Variants in SLC24A2 observed in about 807,000 individuals in gnomAD.
SLC24A2 encodes solute carrier family 24 member 2.
Under a neutral mutation model 62.0 loss-of-function variants are expected in SLC24A2, and 36 were observed. That is an observed-to-expected ratio of 0.58 (90% CI 0.44 to 0.77). SLC24A2 has a LOEUF of 0.77. Among genes scored for constraint, SLC24A2 ranks in the 30% least tolerant of loss-of-function variants. The pLI is 0.00. For synonymous variants in SLC24A2, 358 were observed against 294.0 expected (o/e 1.22, Z -2.23); for missense variants, 846 against 817.9 (o/e 1.03, Z -0.42).
At chr9:19,758,400 G>A (rs542657796) in intron 2 of SLC24A2, among the ~76,000 whole-genome samples, 14 of 151,480 alleles carry the variant, frequency 9.2e-5, no homozygotes, top group Non-Finnish European at 1.5e-4. Flanking sequence ...TAGGACGTCA[G>A]CCCTTCTCTG....
At position 19,543,683 on chromosome 9, in the gene SLC24A2, T is replaced by G. The variant is rs201397982; in HGVS notation, c.1479+6454A>C. 2.0e-5 allele frequency among the ~76,000 whole-genome samples: 3 copies of G among 152,146 alleles called. No homozygotes were observed. In the South Asian group the frequency reaches 6.2e-4, roughly 32 times the overall value. On this transcript the variant is annotated intron_variant, in intron 8 of 10. Coordinates refer to ENST00000341998, the MANE Select transcript of SLC24A2 (RefSeq NM_020344.4). ...TCTTTGTTTCTGCCTTCATTTCGTTTTTTACCCAGTAGTCATTCAGGAGCA... is the reference window on the plus strand; with the variant it reads ...TCTTTGTTTCTGCCTTCATTTCGTTGTTTACCCAGTAGTCATTCAGGAGCA...
At chr9:19,947,790 CAAAAA>C in the SLC24A2 span, among the ~76,000 whole-genome samples, 621 of 84,860 alleles carry the variant, frequency 7.3e-3, 3 homozygotes, top group African/African-American at 0.015. Context: ...GACTCTGTCT[CAAAAA>C]AAAAAAAAAA....
At chr9:20,212,022 T>A in the SLC24A2 span, among the ~76,000 whole-genome samples, 1 of 151,894 alleles carries the variant, frequency 6.6e-6, no homozygotes, top group African/African-American at 2.4e-5. Flanking sequence ...AATTAATATA[T>A]CAGAAATAAA....
intron 6 of SLC24A2, among the ~76,000 whole-genome samples, chr9:19,573,928 A>G (rs768361880): frequency 6.6e-5 from 10 of 152,120 alleles, no homozygotes; most frequent in Non-Finnish European, 1.3e-4. Flanking sequence ...CCCTTCAGAT[A>G]TTTTCTTACA....
intron 2 of SLC24A2, among the ~76,000 whole-genome samples, chr9:19,728,314 A>C (rs369164633): frequency 6.6e-6 from 1 of 152,074 alleles, no homozygotes; most frequent in African/African-American, 2.4e-5. Flanking sequence ...AAAAAAAAAA[A>C]AAACTTGACT....
the SLC24A2 span, among the ~76,000 whole-genome samples, chr9:19,980,795 T>G: frequency 6.6e-6 from 1 of 152,094 alleles, no homozygotes; most frequent in Non-Finnish European, 1.5e-5. Flanking sequence ...AGGACAAAAT[T>G]GTTGAGAGTT....
chr9:19,765,953 T>A (rs1564088815), intron 2 of SLC24A2, among the ~76,000 whole-genome samples: 1 of 152,234 alleles, frequency 6.6e-6, no homozygotes, highest in Admixed American at 6.5e-5. Context: ...AGGTTTGTTT[T>A]TTTCACATAG....
chr9:20,143,844 T>G, the SLC24A2 span, among the ~76,000 whole-genome samples: 1 of 152,234 alleles, frequency 6.6e-6, no homozygotes, highest in East Asian at 1.9e-4. Flanking sequence ...AATGTCAATA[T>G]TTATACACAT....
intron 8 of SLC24A2, among the ~76,000 whole-genome samples, chr9:19,543,296 G>A (rs754966874): frequency 2.0e-5 from 3 of 151,804 alleles, no homozygotes; most frequent in Non-Finnish European, 2.9e-5. Flanking sequence ...ATTTTTTATT[G>A]CATCCATTTG....
the SLC24A2 span, among the ~76,000 whole-genome samples, chr9:19,824,247 T>G: frequency 1.3e-5 from 2 of 152,092 alleles, no homozygotes; most frequent in Non-Finnish European, 2.9e-5. Flanking sequence ...ACCTACAGAA[T>G]GGGAGAAAAT....
At chr9:20,222,587 G>A in the SLC24A2 span, among the ~76,000 whole-genome samples, 3 of 151,968 alleles carry the variant, frequency 2.0e-5, no homozygotes, top group Non-Finnish European at 4.4e-5. Flanking sequence ...ACAAACAGAC[G>A]CAAAATCTTA....
the SLC24A2 span, among the ~76,000 whole-genome samples, chr9:19,843,464 A>AT: frequency 5.3e-5 from 8 of 152,204 alleles, no homozygotes; most frequent in African/African-American, 1.7e-4. Flanking sequence ...GTGAGCTGAG[A>AT]TTTTGCCATT....
At chr9:19,833,910 C>T in the SLC24A2 span, among the ~76,000 whole-genome samples, 4 of 152,208 alleles carry the variant, frequency 2.6e-5, no homozygotes, top group East Asian at 3.8e-4. Flanking sequence ...GCAGCATTTG[C>T]GGTTCACCAA....
the SLC24A2 span, among the ~76,000 whole-genome samples, chr9:20,289,337 A>C: frequency 6.6e-6 from 1 of 152,074 alleles, no homozygotes; most frequent in Non-Finnish European, 1.5e-5. Flanking sequence ...AATCACCTCC[A>C]CCTCACATGC....
intron 2 of SLC24A2, among the ~76,000 whole-genome samples, chr9:19,779,415 C>T (rs1822943874): frequency 6.6e-6 from 1 of 152,174 alleles, no homozygotes; most frequent in African/African-American, 2.4e-5. Context: ...GGTAGTCTTT[C>T]AACAGCAAAA....
At chr9:19,703,884 C>A (rs531894043) in intron 2 of SLC24A2, among the ~76,000 whole-genome samples, 1 of 152,230 alleles carries the variant, frequency 6.6e-6, no homozygotes, top group South Asian at 2.1e-4. Context: ...TTATTTCCTT[C>A]AAAATATGTA....
the SLC24A2 span, among the ~76,000 whole-genome samples, chr9:20,075,789 C>T: frequency 6.6e-6 from 1 of 152,198 alleles, no homozygotes; most frequent in Non-Finnish European, 1.5e-5. Flanking sequence ...TCTACCACCA[C>T]CTGCCACCCA....
the SLC24A2 span, among the ~76,000 whole-genome samples, chr9:20,040,082 T>G: frequency 1.3e-5 from 2 of 152,218 alleles, no homozygotes; most frequent in East Asian, 1.9e-4. Context: ...TATGTAAACA[T>G]GTACATGGCA....
chr9:20,162,349 T>C, the SLC24A2 span, among the ~76,000 whole-genome samples: 1 of 151,682 alleles, frequency 6.6e-6, no homozygotes, highest in Non-Finnish European at 1.5e-5. Context: ...GGCATAAATT[T>C]ACCAAAAAAA....
Sources: gnomAD v4.1 joint callset for allele counts (sites outside exome capture counted in the v4.1 genomes callset) on GRCh38, gnomAD v4.1.1 for gene constraint, MANE v1.5 for transcripts, NCBI Gene and HGNC (gene_info 2026-07-23, HGNC 2026-07-21) for gene names.